The following BCAS3 variants were observed in gnomAD, a reference collection of about 807,000 sequenced individuals.
The protein encoded by BCAS3 is BCAS4/BCAS3 fusion.
A neutral mutation model predicts 116.1 loss-of-function variants in BCAS3; 53 were observed. The ratio of observed to expected loss-of-function variants is 0.46; its 90% CI spans 0.37 to 0.57. BCAS3 has a LOEUF of 0.57. Ranked by LOEUF, BCAS3 falls within the 20% of genes least tolerant of loss-of-function variation. The pLI, the probability that BCAS3 is intolerant of heterozygous loss-of-function variation, is 0.00. For synonymous variants in BCAS3, 391 were observed against 408.2 expected (o/e 0.96, Z 0.51); for missense variants, 917 against 1,165.4 (o/e 0.79, Z 3.10).
chr17:60,843,344 G>A (rs900565069), intron 7 of BCAS3, among the ~76,000 whole-genome samples: 1 of 151,720 alleles, frequency 6.6e-6, no homozygotes, highest in Admixed American at 6.6e-5. Context: ...AGCCTCCCGA[G>A]TAGCTGGGAT....
intron 22 of BCAS3, among the ~76,000 whole-genome samples, chr17:61,295,399 C>T (rs2052795625): frequency 6.6e-6 from 1 of 152,190 alleles, no homozygotes; most frequent in African/African-American, 2.4e-5. Context: ...GCAGAGAACC[C>T]CTGTCTCTGA....
Position 61,161,906 on chromosome 17 carries a change from A to G in BCAS3, c.2425+77342A>G, listed in dbSNP as rs912894536. ...AGATGAGCAGCACGGATTTGCTGCG[A>G]TGGTCAGAATTCAATTATATTACTC... On this transcript the variant is annotated intron_variant, in intron 22 of 23. Coordinates refer to ENST00000407086, the MANE Select transcript of BCAS3 (RefSeq NM_017679.5). This position sits in a 1 kb window ranked among gnomAD's most constrained non-coding sequence, Gnocchi z 4.8. 3.3e-5 allele frequency among the ~76,000 whole-genome samples: 5 copies of G among 152,306 alleles called. No homozygotes were observed. The East Asian group carries it at 5.8e-4, about 18-fold the overall frequency.
intron 22 of BCAS3, among the ~76,000 whole-genome samples, chr17:61,234,135 A>G (rs1175003762): frequency 6.6e-6 from 1 of 152,240 alleles, no homozygotes; most frequent in Admixed American, 6.5e-5. Context: ...AATTCACAAT[A>G]GAAACCCCCT....
At chr17:60,950,029 G>A (rs1428263151) in intron 14 of BCAS3, among the ~76,000 whole-genome samples, 2 of 152,090 alleles carry the variant, frequency 1.3e-5, no homozygotes, top group African/African-American at 2.4e-5. Context: ...AGTACAAAGC[G>A]TGGACCTTAT....
Position 61,097,096 on chromosome 17 carries a change from C to T in BCAS3, c.2425+12532C>T, listed in dbSNP as rs911828313. 1.3e-5 allele frequency among the ~76,000 whole-genome samples: 2 copies of T among 152,088 alleles called. No individual in the cohort carries two copies. Among genetic ancestry groups the T allele is most frequent in the Non-Finnish European group, 2.9e-5 (2 of 68,008 alleles). On this transcript the variant is annotated intron_variant, in intron 22 of 23. Transcript: ENST00000407086. The surrounding 1 kb of genome is among the most constrained non-coding windows in gnomAD (Gnocchi z 4.0). The stretch of plus-strand genomic sequence containing the variant: ...ATTAATAAACACAAAGAAAACCATA[C>T]GTAGACATATTATAATCAAACTGTT...
rs1175653446 is a variant in BCAS3 at position 61,211,120 on chromosome 17, A to G, written c.2425+126556A>G. Among the ~76,000 whole-genome samples, 1 of 152,134 alleles carries G rather than the reference A, an allele frequency of 6.6e-6. No individual in the cohort carries two copies. The highest frequency in any genetic ancestry group is 1.9e-4 in the East Asian group (1 of 5,182). On this transcript the variant is annotated intron_variant, in intron 22 of 23. Transcript: ENST00000407086. The surrounding 1 kb of genome is among the most constrained non-coding windows in gnomAD (Gnocchi z 4.4). ...GGAGAAAAGGCAGTTGCAGATAGTA[A>G]TGTTTGGAGGCATGCTCAGTTATTC...
Position 61,105,722 on chromosome 17 carries a change from C to T in BCAS3, c.2425+21158C>T, listed in dbSNP as rs574481471. Among the ~76,000 whole-genome samples, 3 of 151,738 alleles carry T rather than the reference C, an allele frequency of 2.0e-5. No homozygotes were observed. The highest frequency in any genetic ancestry group is 6.6e-5 in the Admixed American group (1 of 15,210). ...GATTACAGGTGTGAGCCACTGTGCC[C>T]GGCCTAAACCCACAGAATTCTTATA... On this transcript the variant is annotated intron_variant, in intron 22 of 23. Transcript: ENST00000407086. This position sits in a 1 kb window ranked among gnomAD's most constrained non-coding sequence, Gnocchi z 4.3.
intron 22 of BCAS3, among the ~76,000 whole-genome samples, chr17:61,212,391 C>T (rs2081513468): frequency 6.6e-6 from 1 of 152,048 alleles, no homozygotes; most frequent in Non-Finnish European, 1.5e-5. Context: ...GTGAGGGCCA[C>T]CACGCCCAGC....
rs928042975 is a variant in BCAS3 at position 60,799,535 on chromosome 17, T to G, written c.404-8469T>G. Among the ~76,000 whole-genome samples, 20 of 135,080 alleles carry G rather than the reference T, an allele frequency of 1.5e-4. 1 individual carries two copies. Among genetic ancestry groups the G allele is most frequent in the African/African-American group, 4.6e-4 (15 of 32,432 alleles). The allele number at this position is 135,080 out of a possible 152,430, so 88.6% of individuals were successfully genotyped here. A position where few individuals can be genotyped will look rare whatever the true frequency, so the allele number is the denominator to read the frequency against. On this transcript the variant is annotated intron_variant, in intron 6 of 23. Coordinates refer to ENST00000407086, the MANE Select transcript of BCAS3 (RefSeq NM_017679.5). ...TGAGATTAGTGTTTGTTTTTTTTTT[T>G]TTTTTTTTTTGGAGACAGAGTCGTA...
chr17:61,050,825 A>G (rs2068791112), intron 19 of BCAS3, among the ~76,000 whole-genome samples: 1 of 152,084 alleles, frequency 6.6e-6, no homozygotes, highest in Non-Finnish European at 1.5e-5. Flanking sequence ...AGCAGAATAC[A>G]CATTCTTTTC....
intron 13 of BCAS3, among the ~76,000 whole-genome samples, chr17:60,929,762 T>G (rs2059549645): frequency 7.6e-6 from 1 of 131,394 alleles, no homozygotes; most frequent in Non-Finnish European, 1.6e-5. Context: ...ATGTTCCCCT[T>G]CCTGTGTCCA....
chr17:60,929,932 GT>G lies in BCAS3; in HGVS notation c.1087+5433del, dbSNP rs1285025430. ...TTTTATGGCTGCATAGTATTCCATGGTGTATATGTGCCACATTTTCTTAATC... is the reference window on the plus strand; with the variant it reads ...TTTTATGGCTGCATAGTATTCCATGGGTATATGTGCCACATTTTCTTAATC... On this transcript the variant is annotated intron_variant, in intron 13 of 23. Transcript: ENST00000407086. 2.6e-5 allele frequency among the ~76,000 whole-genome samples: 4 copies of G among 151,942 alleles called. No homozygotes were observed. The East Asian group carries it at 7.8e-4, about 29-fold the overall frequency.
chr17:60,819,743 C>A (rs143360591), intron 7 of BCAS3, among the ~76,000 whole-genome samples: 28 of 151,758 alleles, frequency 1.8e-4, no homozygotes, highest in South Asian at 1.7e-3. Context: ...TTCCCTCCTA[C>A]CCTCCCCCTC....
At position 61,204,454 on chromosome 17, in the gene BCAS3, G is replaced by A. The variant is rs940296878; in HGVS notation, c.2425+119890G>A. Among the ~76,000 whole-genome samples the A allele has an allele frequency of 2.0e-5, 3 of 151,986 alleles. No individual in the cohort carries two copies. The highest frequency in any genetic ancestry group is 2.1e-4 in the South Asian group (1 of 4,826). On this transcript the variant is annotated intron_variant, in intron 22 of 23. Coordinates refer to ENST00000407086, the MANE Select transcript of BCAS3 (RefSeq NM_017679.5). The surrounding 1 kb of genome is among the most constrained non-coding windows in gnomAD (Gnocchi z 4.2). ...TTTTCCCACATTCATATTTGACTGC[G>A]CATTATGTGAAAAATTGAATTTGGG...
At position 61,156,788 on chromosome 17, in the gene BCAS3, C is replaced by T. The variant is rs2077867630; in HGVS notation, c.2425+72224C>T. 6.6e-6 allele frequency among the ~76,000 whole-genome samples: 1 copy of T among 152,118 alleles called. No homozygotes were observed. Among genetic ancestry groups the T allele is most frequent in the Non-Finnish European group, 1.5e-5 (1 of 68,032 alleles). On this transcript the variant is annotated intron_variant, in intron 22 of 23. Coordinates refer to ENST00000407086, the MANE Select transcript of BCAS3 (RefSeq NM_017679.5). This position sits in a 1 kb window ranked among gnomAD's most constrained non-coding sequence, Gnocchi z 4.7. ...AATTCACATGCACACAAAAAATCTGCAGTGTGGATATAAGTTAATGCCCTG... is the reference window on the plus strand; with the variant it reads ...AATTCACATGCACACAAAAAATCTGTAGTGTGGATATAAGTTAATGCCCTG...
intron 5 of BCAS3, among the ~76,000 whole-genome samples, chr17:60,736,522 C>T (rs773104379): frequency 6.6e-6 from 1 of 152,022 alleles, no homozygotes; most frequent in Non-Finnish European, 1.5e-5. Flanking sequence ...TAGAGTAATA[C>T]TGGCCTCCTA....
In BCAS3 at chr17:61,388,662, C is replaced by G. The variant is rs1343177091; in HGVS notation, c.2594-3315C>G. On this transcript the variant is annotated intron_variant, in intron 23 of 23. Coordinates refer to ENST00000407086, the MANE Select transcript of BCAS3 (RefSeq NM_017679.5). This position sits in a 1 kb window ranked among gnomAD's most constrained non-coding sequence, Gnocchi z 6.5. Reference sequence around the variant, plus strand: ...AAAACAATGCCAACAGCCCAGCGTCCGTGAGCAACCCAACAGTAACAAAGC... The same window carrying G: ...AAAACAATGCCAACAGCCCAGCGTCGGTGAGCAACCCAACAGTAACAAAGC... 1 of 1,547,204 alleles carries G rather than the reference C, an allele frequency of 6.5e-7. No homozygotes were observed. Among genetic ancestry groups the G allele is most frequent in the Non-Finnish European group, 8.7e-7 (1 of 1,153,890 alleles).
At chr17:60,783,887 C>T (rs555503598) in intron 6 of BCAS3, among the ~76,000 whole-genome samples, 2 of 152,120 alleles carry the variant, frequency 1.3e-5, no homozygotes, top group Non-Finnish European at 2.9e-5. Flanking sequence ...GTAATATTCT[C>T]TTTGACTTCT....
chr17:60,951,682 G>A (rs1350839879), intron 14 of BCAS3, among the ~76,000 whole-genome samples: 1 of 151,280 alleles, frequency 6.6e-6, no homozygotes, highest in African/African-American at 2.4e-5. Flanking sequence ...GTTCTTAAAA[G>A]CTATGTATGT....
Sources: gnomAD v4.1 joint callset for allele counts (sites outside exome capture counted in the v4.1 genomes callset) on GRCh38, gnomAD v4.1.1 for gene constraint, Gnocchi (gnomAD v3.1) non-coding constraint, MANE v1.5 for transcripts, NCBI Gene and HGNC (gene_info 2026-07-23, HGNC 2026-07-21) for gene names.